The following ZNF345 variants were observed in gnomAD, a reference collection of about 807,000 sequenced individuals.
ZNF345 encodes zinc finger protein HZF10.
For synonymous variants in ZNF345, 166 were observed against 187.9 expected (o/e 0.88, Z 0.95); for missense variants, 527 against 589.9 (o/e 0.89, Z 1.10).
intron 2 of ZNF345, among the ~76,000 whole-genome samples, chr19:36,866,068 A>G (rs2072653303): frequency 6.6e-6 from 1 of 152,010 alleles, no homozygotes; most frequent in Non-Finnish European, 1.5e-5. Flanking sequence ...CTAGAGTTTT[A>G]TTTAGGGTGT....
intron 2 of ZNF345, among the ~76,000 whole-genome samples, chr19:36,863,258 C>T (rs1442130601): frequency 2.0e-5 from 3 of 152,112 alleles, no homozygotes; most frequent in African/African-American, 4.8e-5. Context: ...TTCCTTACTT[C>T]CTGGAATGAG....
intron 2 of ZNF345, among the ~76,000 whole-genome samples, chr19:36,873,939 G>A (rs2072823674): frequency 6.6e-6 from 1 of 152,102 alleles, no homozygotes; most frequent in Non-Finnish European, 1.5e-5. Flanking sequence ...TTGAACATGT[G>A]AGTGCACATA....
chr19:36,888,098 G>A (rs947211915), intron 3 of ZNF345: 12 of 151,968 alleles, frequency 7.9e-5, no homozygotes, highest in African/African-American at 2.7e-4. Context: ...AAAGAAATTT[G>A]TAATCAGTAA....
rs1471717061 is a variant in ZNF345, at chr19:36,877,081, A to T, written c.251A>T (p.His84Leu). ...VSVLVRHQRI[H>L]TGEKPYECKE... The stretch of plus-strand genomic sequence containing the variant: ...GTCCTTGTTCGACATCAGCGAATTC[A>T]TACTGGTGAGAAACCTTATGAATGC... Residue 84 changes from histidine (H) to leucine (L), a missense_variant, in exon 3 of 3, where the codon CAT becomes CTT. Transcript: ENST00000420450. The T allele has an allele frequency of 6.2e-7, 1 of 1,614,178 alleles. No homozygotes were observed. Among genetic ancestry groups the T allele is most frequent in the Non-Finnish European group, 8.5e-7 (1 of 1,180,002 alleles).
At chr19:36,881,649 G>A (rs1292860502), downstream of ZNF345, among the ~76,000 whole-genome samples, 1 of 151,892 alleles carries the variant, frequency 6.6e-6, no homozygotes, top group African/African-American at 2.4e-5. Flanking sequence ...TTAATTTGAG[G>A]TAATTAGATT....
At chr19:36,893,086 A>G, downstream of ZNF345, 1 of 398,260 alleles carries the variant, frequency 2.5e-6, no homozygotes, top group East Asian at 3.6e-5. Flanking sequence ...TCAGACCTAC[A>G]TGAAAGGACT....
At chr19:36,858,923 G>A (rs1032507826) in intron 2 of ZNF345, among the ~76,000 whole-genome samples, 8 of 152,092 alleles carry the variant, frequency 5.3e-5, no homozygotes, top group Non-Finnish European at 7.3e-5. Flanking sequence ...AGGAAGTAGC[G>A]GAAGGAGTAG....
At position 36,876,988 on chromosome 19, in the gene ZNF345, A is replaced by T; in HGVS notation, c.158A>T (p.Gln53Leu). The T allele has an allele frequency of 6.2e-7, 1 of 1,614,208 alleles. No homozygotes were observed. Among genetic ancestry groups the T allele is most frequent in the Non-Finnish European group, 8.5e-7 (1 of 1,180,010 alleles). Residue 53 changes from glutamine to leucine, a missense_variant, in exon 3 of 3, where the codon CAG becomes CTG. Gln to Leu is a moderately radical substitution (Grantham distance 113). Transcript: ENST00000420450. ...ATGCCCACTTTCAGTATCCAGCATC[A>T]GAGAATTCATACTGATGAGAAACTC... Reference protein sequence around the residue: ...EDMPTFSIQHQRIHTDEKLLE... With the variant: ...EDMPTFSIQHLRIHTDEKLLE...
chr19:36,892,354 G>A, intron 3 of ZNF345: 3 of 1,613,606 alleles, frequency 1.9e-6, no homozygotes, highest in Non-Finnish European at 2.5e-6. Flanking sequence ...AGTTTTTTGA[G>A]GTGGAATAAG....
chr19:36,892,223 C>T, intron 3 of ZNF345: 1 of 1,614,096 alleles, frequency 6.2e-7, no homozygotes, highest in Non-Finnish European at 8.5e-7. Flanking sequence ...AAGGACTTCC[C>T]ATACTCCTTA....
chr19:36,884,276 T>C (rs1390838569), downstream of ZNF345, among the ~76,000 whole-genome samples: 2 of 152,060 alleles, frequency 1.3e-5, no homozygotes, highest in Non-Finnish European at 2.9e-5. Context: ...CATGTTGGTC[T>C]TGAACTCCTG....
intron 2 of ZNF345, among the ~76,000 whole-genome samples, chr19:36,866,704 A>C (rs1405151803): frequency 1.3e-5 from 2 of 152,074 alleles, no homozygotes; most frequent in African/African-American, 4.8e-5. Flanking sequence ...GTGCACCACC[A>C]AGCCTAGCTA....
At chr19:36,856,092 A>G (rs891457849) in intron 2 of ZNF345, among the ~76,000 whole-genome samples, 2 of 152,198 alleles carry the variant, frequency 1.3e-5, no homozygotes, top group African/African-American at 4.8e-5. Flanking sequence ...AATACACATC[A>G]GGTGTTGAGA....
At chr19:36,861,574 A>ATTTATTTTTTTTTTTTTTTTT (rs1568352755) in intron 2 of ZNF345, among the ~76,000 whole-genome samples, 1 of 152,058 alleles carries the variant, frequency 6.6e-6, no homozygotes, top group African/African-American at 2.4e-5. Flanking sequence ...TTATTTATTT[A>ATTTATTTTTTTTTTTTTTTTT]TTTTTGAGAC....
chr19:36,875,245 A>G (rs1176990008), intron 2 of ZNF345, among the ~76,000 whole-genome samples: 2 of 152,220 alleles, frequency 1.3e-5, no homozygotes, highest in Non-Finnish European at 2.9e-5. Flanking sequence ...AGAGGAAAAA[A>G]GAGCTCTGAG....
intron 3 of ZNF345, among the ~76,000 whole-genome samples, chr19:36,886,737 C>T (rs1290256118): frequency 6.6e-6 from 1 of 151,926 alleles, no homozygotes; most frequent in Non-Finnish European, 1.5e-5. Flanking sequence ...CCTGTAATCC[C>T]AGCACTTTGG....
At chr19:36,872,911 T>C (rs2072799437) in intron 2 of ZNF345, among the ~76,000 whole-genome samples, 1 of 152,280 alleles carries the variant, frequency 6.6e-6, no homozygotes, top group South Asian at 2.1e-4. Flanking sequence ...TTTTATCCTA[T>C]TGACGATTTT....
At chr19:36,856,054 A>G (rs1422956728) in intron 2 of ZNF345, among the ~76,000 whole-genome samples, 3 of 152,220 alleles carry the variant, frequency 2.0e-5, no homozygotes, top group East Asian at 3.8e-4. Flanking sequence ...TGTCGTCAAG[A>G]TTGAAATAAC....
At chr19:36,880,084 A>T (rs543577861), downstream of ZNF345, among the ~76,000 whole-genome samples, 7 of 152,310 alleles carry the variant, frequency 4.6e-5, no homozygotes, top group African/African-American at 1.7e-4. Flanking sequence ...TAATTTCAGC[A>T]CTTTGGGAGG....
Sources: allele counts gnomAD v4.1 joint callset (sites outside exome capture counted in the v4.1 genomes callset), GRCh38; gene constraint gnomAD v4.1.1; transcripts MANE v1.5; gene names NCBI Gene and HGNC (gene_info 2026-07-23, HGNC 2026-07-21).